Variants in SPOCK1 observed in about 807,000 individuals in gnomAD.
SPOCK1 encodes the protein testican-1.
Under a neutral mutation model 55.3 loss-of-function variants are expected in SPOCK1, and 23 were observed. That is an observed-to-expected ratio of 0.42 (90% CI 0.30 to 0.59). SPOCK1 has a LOEUF of 0.59. SPOCK1 is among the 20% of genes least tolerant of loss of function. SPOCK1 has a pLI of 0.22. For missense variants in SPOCK1, 499 were observed against 552.5 expected, an observed-to-expected ratio of 0.90 and a Z score of 0.97; for synonymous variants, 226 against 221.0, an observed-to-expected ratio of 1.02 and a Z score of -0.20.
At chr5:137,177,235 G>A (rs1359075306) in intron 3 of SPOCK1, among the ~76,000 whole-genome samples, 1 of 152,108 alleles carries the variant, frequency 6.6e-6, no homozygotes, top group African/African-American at 2.4e-5. Flanking sequence ...AATCTACCAC[G>A]TGAAGTTAAA....
chr5:137,394,873 C>A (rs894440670), intron 2 of SPOCK1, among the ~76,000 whole-genome samples: 4 of 152,210 alleles, frequency 2.6e-5, no homozygotes, highest in African/African-American at 9.6e-5. Context: ...TCACAGGGTC[C>A]ATCAAGTCCT....
At chr5:137,299,114 C>A (rs1757540988) in intron 2 of SPOCK1, among the ~76,000 whole-genome samples, 2 of 152,010 alleles carry the variant, frequency 1.3e-5, no homozygotes, top group Admixed American at 1.3e-4. Flanking sequence ...AATTCTTATA[C>A]TGTCTATTTT....
chr5:137,117,466 T>A (rs1375452394), intron 4 of SPOCK1, among the ~76,000 whole-genome samples: 1 of 152,214 alleles, frequency 6.6e-6, no homozygotes, highest in Non-Finnish European at 1.5e-5. Flanking sequence ...TCTTCCTCAA[T>A]ATACTATGTA....
intron 2 of SPOCK1, among the ~76,000 whole-genome samples, chr5:137,278,962 C>T (rs1757122405): frequency 6.6e-6 from 1 of 152,166 alleles, no homozygotes; most frequent in African/African-American, 2.4e-5. Context: ...CTACTTCCCC[C>T]CAGGGGGAAT....
chr5:137,489,922 TTCC>T (rs1754138519), intron 2 of SPOCK1, among the ~76,000 whole-genome samples: 1 of 152,192 alleles, frequency 6.6e-6, no homozygotes. Flanking sequence ...GGTTAATGGG[TTCC>T]TCCTCCCTCT....
At chr5:137,059,293 T>C (rs903223354) in intron 6 of SPOCK1, among the ~76,000 whole-genome samples, 5 of 152,244 alleles carry the variant, frequency 3.3e-5, no homozygotes, top group Non-Finnish European at 5.9e-5. Flanking sequence ...GGTCTACATG[T>C]ACTTACGTGA....
At chr5:137,017,678 C>T (rs889048082) in intron 6 of SPOCK1, among the ~76,000 whole-genome samples, 1 of 152,032 alleles carries the variant, frequency 6.6e-6, no homozygotes, top group Non-Finnish European at 1.5e-5. Flanking sequence ...GTTAAAACTC[C>T]ACCTCACAAA....
intron 6 of SPOCK1, among the ~76,000 whole-genome samples, chr5:137,064,862 CTG>C (rs1359177413): frequency 6.6e-6 from 1 of 152,178 alleles, no homozygotes; most frequent in African/African-American, 2.4e-5. Flanking sequence ...AAGAATGACT[CTG>C]GGGATTTATC....
chr5:137,204,384 A>T (rs1328851614), intron 3 of SPOCK1, among the ~76,000 whole-genome samples: 1 of 152,168 alleles, frequency 6.6e-6, no homozygotes, highest in African/African-American at 2.4e-5. Context: ...CTCAGCAGAA[A>T]TGACTCAGCT....
At chr5:137,258,115 C>G (rs1220602385) in intron 3 of SPOCK1, among the ~76,000 whole-genome samples, 1 of 152,230 alleles carries the variant, frequency 6.6e-6, no homozygotes, top group Non-Finnish European at 1.5e-5. Context: ...CATGTGCATT[C>G]TGAGATTGAA....
chr5:137,394,893 T>G (rs1751808530), intron 2 of SPOCK1, among the ~76,000 whole-genome samples: 1 of 152,220 alleles, frequency 6.6e-6, no homozygotes, highest in Non-Finnish European at 1.5e-5. Flanking sequence ...TGGAACTGTG[T>G]GAAAAATACT....
rs1370202534 is a variant in SPOCK1 at position 137,131,748 on chromosome 5, G to A, written c.347+8832C>T. Among the ~76,000 whole-genome samples, 9 of 148,946 alleles carry A rather than the reference G, an allele frequency of 6.0e-5. No individual in the cohort carries two copies. The East Asian group carries it at 8.0e-4, about 13-fold the overall frequency. On this transcript the variant is annotated intron_variant, in intron 4 of 10. Transcript: ENST00000394945. ...AGTACTTTGGGAGGCCAAGATGGGC[G>A]GATCACGAGGTCAAGAGATCGAGAC... is the stretch of plus-strand genomic sequence containing the variant.
chr5:137,415,550 CA>C (rs1317128079), intron 2 of SPOCK1, among the ~76,000 whole-genome samples: 1 of 152,238 alleles, frequency 6.6e-6, no homozygotes, highest in East Asian at 1.9e-4. Context: ...CTTGGATCCC[CA>C]TTATGGGGTA....
intron 7 of SPOCK1, among the ~76,000 whole-genome samples, chr5:136,990,314 A>G (rs1419836413): frequency 6.6e-6 from 1 of 151,662 alleles, no homozygotes; most frequent in African/African-American, 2.4e-5. Flanking sequence ...TTATAACCCT[A>G]TGCTTCCCCT....
chr5:137,296,554 G>A (rs1005509226), intron 2 of SPOCK1, among the ~76,000 whole-genome samples: 1 of 152,176 alleles, frequency 6.6e-6, no homozygotes, highest in African/African-American at 2.4e-5. Flanking sequence ...GAACATTACT[G>A]TTGGACAAGT....
At chr5:137,300,076 T>C (rs973869693) in intron 2 of SPOCK1, among the ~76,000 whole-genome samples, 1 of 152,192 alleles carries the variant, frequency 6.6e-6, no homozygotes, top group African/African-American at 2.4e-5. Context: ...CCTGATACTC[T>C]GTTGACTTTT....
intron 2 of SPOCK1, among the ~76,000 whole-genome samples, chr5:137,384,826 T>C (rs187821297): frequency 1.3e-5 from 2 of 152,260 alleles, no homozygotes; most frequent in East Asian, 3.9e-4. Context: ...TTGGATTTAG[T>C]GTCCACCCTA....
intron 2 of SPOCK1, among the ~76,000 whole-genome samples, chr5:137,384,815 A>G (rs1034857228): frequency 6.6e-6 from 1 of 152,000 alleles, no homozygotes; most frequent in Non-Finnish European, 1.5e-5. Flanking sequence ...ACAACTAATC[A>G]TTGGATTTAG....
intron 2 of SPOCK1, among the ~76,000 whole-genome samples, chr5:137,472,077 T>C (rs1478370565): frequency 3.9e-5 from 6 of 152,250 alleles, no homozygotes; most frequent in Middle Eastern, 3.4e-3. Flanking sequence ...AAGAAATTCA[T>C]CTGGAGGGTG....
Sources: allele counts gnomAD v4.1 joint callset (sites outside exome capture counted in the v4.1 genomes callset), GRCh38; gene constraint gnomAD v4.1.1; transcripts MANE v1.5; gene names NCBI Gene and HGNC (gene_info 2026-07-23, HGNC 2026-07-21).